The following CRHBP variants were observed in gnomAD, a reference collection of about 807,000 sequenced individuals.
CRHBP encodes the protein corticotropin-releasing hormone-binding protein.
A neutral mutation model predicts 34.9 loss-of-function variants in CRHBP; 19 were observed. The ratio of observed to expected loss-of-function variants is 0.55; its 90% CI spans 0.38 to 0.80. The LOEUF (loss-of-function observed/expected upper bound fraction) is 0.80, where lower values mean the gene tolerates loss of function less well. CRHBP is among the 30% of genes least tolerant of loss of function. The probability of loss-of-function intolerance (pLI) is 0.00; values close to 1 mark genes in which losing one functional copy is unlikely to be tolerated. For missense variants in CRHBP, 328 were observed against 409.2 expected, an observed-to-expected ratio of 0.80 and a Z score of 1.71; for synonymous variants, 154 against 153.4, an observed-to-expected ratio of 1.00 and a Z score of -0.03.
At chr5:76,965,221 T>G (rs1745844665) in intron 6 of CRHBP, among the ~76,000 whole-genome samples, 1 of 152,112 alleles carries the variant, frequency 6.6e-6, no homozygotes, top group Non-Finnish European at 1.5e-5. Flanking sequence ...ATGGGGAGCA[T>G]CTTGGAACCA....
chr5:76,956,833 A>G (rs1171082338), intron 4 of CRHBP, among the ~76,000 whole-genome samples: 4 of 152,172 alleles, frequency 2.6e-5, no homozygotes, highest in African/African-American at 7.2e-5. Flanking sequence ...ATTTTTGCAT[A>G]CAGTAGAATT....
chr5:76,955,512 C>G (rs900043281), intron 3 of CRHBP, 141 bp from the exon 4 acceptor site: 10 of 657,462 alleles, frequency 1.5e-5, no homozygotes, highest in Non-Finnish European at 2.3e-5. Flanking sequence ...AATGAAAAGG[C>G]GAGCAGGCAG....
rs776954603 is a variant in CRHBP, at chr5:76,963,417, G to C, written c.768G>C (p.Lys256Asn). Reference protein sequence around the residue: ...LLGGTGLDPSKMTPLADLCYP... With the variant: ...LLGGTGLDPSNMTPLADLCYP... ...GAGGAACTGGATTGGACCCTTCCAA[G>C]ATGACGCCTTTAGCTGATCTCTGCT... The change falls in exon 6 of 7, where the codon AAG becomes AAC. Residue 256 changes from lysine (K) to asparagine (N), a missense_variant. By Grantham distance (94) the Lys-to-Asn change is moderately conservative (BLOSUM62 0). Around this residue, in one of 3 missense-constraint regions of CRHBP, gnomAD observed 144 missense variants for 216.7 expected, o/e 0.66. Transcript: ENST00000274368. The C allele has an allele frequency of 6.2e-7, 1 of 1,614,178 alleles. No homozygotes were observed. Among genetic ancestry groups the C allele is most frequent in the East Asian group, 2.2e-5 (1 of 44,886 alleles).
chr5:76,960,220 G>A (rs1745755253), intron 5 of CRHBP, among the ~76,000 whole-genome samples: 1 of 152,160 alleles, frequency 6.6e-6, no homozygotes, highest in African/African-American at 2.4e-5. Context: ...AAAGTGGTCA[G>A]GAAAGAAACC....
chr5:76,980,304 T>C (rs1746101569), intron 3 of CRHBP, among the ~76,000 whole-genome samples: 1 of 150,840 alleles, frequency 6.6e-6, no homozygotes, highest in Admixed American at 6.6e-5. Flanking sequence ...GGATTCAGAC[T>C]TCAGTGATCT....
At chr5:76,980,652 A>T (rs1746105429) in intron 3 of CRHBP, among the ~76,000 whole-genome samples, 1 of 152,234 alleles carries the variant, frequency 6.6e-6, no homozygotes, top group African/African-American at 2.4e-5. Context: ...GATGAGATTA[A>T]CATTTAAATC....
chr5:76,969,697 C>T (rs2174444), downstream of CRHBP, among the ~76,000 whole-genome samples: 58,139 of 152,028 alleles, frequency 0.38, 11,392 homozygotes, highest in East Asian at 0.57. Flanking sequence ...TGCAGAGATT[C>T]ATTTTCCGCT....
intron 4 of CRHBP, 59 bp downstream of exon 4, chr5:76,955,922 T>C: frequency 3.4e-6 from 5 of 1,476,112 alleles, no homozygotes; most frequent in South Asian, 1.2e-5. Flanking sequence ...TTGAAAGTAG[T>C]ATCATTGCAC....
intron 6 of CRHBP, among the ~76,000 whole-genome samples, chr5:76,964,685 C>G (rs1391225107): frequency 6.6e-6 from 1 of 152,086 alleles, no homozygotes; most frequent in East Asian, 1.9e-4. Context: ...AAACCCCCGT[C>G]TCTACTAAAA....
rs1554043517 is a variant in CRHBP at position 76,975,861 on chromosome 5, T to TATATAC, written n.312-503_312-502insTATACA. 1.2e-3 allele frequency among the ~76,000 whole-genome samples: 134 copies of TATATAC among 107,230 alleles called. 4 individuals are homozygous for TATATAC. Among genetic ancestry groups the TATATAC allele is most frequent in the African/African-American group, 5.3e-3 (131 of 24,652 alleles). 70.3% of individuals were successfully genotyped at this position (107,230 alleles called of 152,430 possible). On this transcript the variant is annotated intron_variant and non_coding_transcript_variant, in intron 2 of 3. Transcript: ENST00000514258. ...ATATATATATACACGCATATATATATACACACACATATACATGCATATATA... is the reference window on the plus strand; with the variant it reads ...ATATATATATACACGCATATATATATATATACACACACACATATACATGCATATATA...
chr5:76,953,614 C>T lies in CRHBP; in HGVS notation c.95C>T (p.Ala32Val). 6.2e-7 allele frequency: 1 copy of T among 1,612,800 alleles called. No individual in the cohort carries two copies. The highest frequency in any genetic ancestry group is 8.5e-7 in the Non-Finnish European group (1 of 1,179,550). Residue 32 changes from alanine to valine, a missense_variant, in exon 2 of 7, where the codon GCG (alanine) becomes GTG (valine). By Grantham distance (64) the Ala-to-Val change is moderately conservative. Around this residue, in one of 3 missense-constraint regions of CRHBP, gnomAD observed 173 missense variants for 172.2 expected, o/e 1.00. Transcript: ENST00000274368. The part of the protein sequence containing the change: ...ESRYLELREA[A>V]DYDPFLLFSA... ...GTTTCTTGCCAGCTGAGGGAAGCGGCGGACTACGATCCTTTCCTGCTCTTC... is the reference window on the plus strand; with the variant it reads ...GTTTCTTGCCAGCTGAGGGAAGCGGTGGACTACGATCCTTTCCTGCTCTTC...
At chr5:76,970,736 T>C (rs1444979601), downstream of CRHBP, among the ~76,000 whole-genome samples, 1 of 152,244 alleles carries the variant, frequency 6.6e-6, no homozygotes, top group African/African-American at 2.4e-5. Context: ...CCTTCATGAT[T>C]CCCTCATGCT....
In CRHBP at chr5:76,953,686, G is replaced by A; in HGVS notation, c.167G>A (p.Arg56His). The change falls in exon 2 of 7, where the codon CGC becomes CAC. Residue 56 changes from arginine (R) to histidine (H), a missense_variant. Physicochemically the swap from Arg to His is conservative, Grantham distance 29. Around this residue, in one of 3 missense-constraint regions of CRHBP, gnomAD observed 173 missense variants for 172.2 expected, o/e 1.00. Coordinates refer to ENST00000274368, the MANE Select transcript of CRHBP (RefSeq NM_001882.4). ...CTGGCTGGGGAGCAGCCGTACCGCC[G>A]CGCTCTGCGTGAGTCGAGGCTGCCC... ...RELAGEQPYRRALRCLDMLSL... is the reference protein window; with the variant it reads ...RELAGEQPYRHALRCLDMLSL... 1 of 1,608,770 alleles carries A rather than the reference G, an allele frequency of 6.2e-7. No individual in the cohort carries two copies. Among genetic ancestry groups the A allele is most frequent in the Non-Finnish European group, 8.5e-7 (1 of 1,177,780 alleles).
chr5:76,968,794 G>A lies in CRHBP; in HGVS notation c.878G>A (p.Arg293His), dbSNP rs78407170. ...GTCTCCAGTGGAAAACACGTAAATC[G>A]TGTGACTTTTGAGTATCGTCAGCTG... ...RMVSSGKHVN[R>H]VTFEYRQLEP... The change falls in exon 7 of 7, where the codon CGT becomes CAT. Residue 293 changes from arginine to histidine, a missense_variant. Physicochemically the swap from Arg to His is conservative, Grantham distance 29. This residue lies in a region of CRHBP where 144 missense variants were observed against 216.7 expected (regional missense o/e 0.66). Coordinates refer to ENST00000274368, the MANE Select transcript of CRHBP (RefSeq NM_001882.4). The A allele has an allele frequency of 2.5e-5, 40 of 1,614,126 alleles. No individual in the cohort carries two copies. The highest frequency in any genetic ancestry group is 5.0e-5 in the Admixed American group (3 of 60,024).
intron 3 of CRHBP, 38 bp from the exon 4 acceptor site, chr5:76,955,615 T>C (rs1444672509): frequency 7.5e-6 from 12 of 1,590,062 alleles, no homozygotes; most frequent in South Asian, 3.3e-5. Flanking sequence ...CAGGAGTTGA[T>C]GGAAATGATA....
chr5:76,975,817 AAAAAAAAAATAT>A (rs1746016205), intron 2 of CRHBP, among the ~76,000 whole-genome samples: 1 of 85,092 alleles, frequency 1.2e-5, no homozygotes, highest in African/African-American at 7.6e-5. Context: ...AAAAAAAAAA[AAAAAAAAAATAT>A]ATATATATAT....
intron 6 of CRHBP, among the ~76,000 whole-genome samples, chr5:76,965,504 ATGATC>A (rs1399940652): frequency 6.6e-6 from 1 of 152,208 alleles, no homozygotes; most frequent in Non-Finnish European, 1.5e-5. Context: ...TTTTGGGTGC[ATGATC>A]TGAGGCACTA....
chr5:76,953,960 C>T, intron 2 of CRHBP, 69 bp from the exon 3 acceptor site: 1 of 1,522,388 alleles, frequency 6.6e-7, no homozygotes, highest in South Asian at 1.3e-5. Flanking sequence ...GCGCGGAGAG[C>T]GGCCGCCCGA....
At chr5:76,960,972 T>C (rs1331899971) in intron 5 of CRHBP, among the ~76,000 whole-genome samples, 1 of 152,078 alleles carries the variant, frequency 6.6e-6, no homozygotes, top group Non-Finnish European at 1.5e-5. Flanking sequence ...TTTCACCATA[T>C]TGGCCAGGCT....
Sources: gnomAD v4.1 joint callset for allele counts (sites outside exome capture counted in the v4.1 genomes callset) on GRCh38, gnomAD v4.1.1 for gene constraint, gnomAD v4.1.1 regional missense constraint, MANE v1.5 for transcripts, NCBI Gene and HGNC (gene_info 2026-07-23, HGNC 2026-07-21) for gene names.